Variants in PRKN observed in about 807,000 individuals in gnomAD.
PRKN encodes parkin RBR E3 ubiquitin protein ligase, also known as E3 ubiquitin-protein ligase parkin.
In PRKN, 56 loss-of-function variants were observed where a neutral mutation model predicts 59.5. The observed-to-expected ratio is 0.94, with a 90% CI of 0.76 to 1.18. PRKN has a LOEUF of 1.18. Ranked by LOEUF, PRKN falls within the 50% of genes most tolerant of loss-of-function variation. PRKN has a pLI of 0.00. For synonymous variants in PRKN, 250 were observed against 222.1 expected, an observed-to-expected ratio of 1.13 and a Z score of -1.12; for missense variants, 657 against 596.4, an observed-to-expected ratio of 1.10 and a Z score of -1.06.
In PRKN at chr6:162,466,564, AT is replaced by A. The variant is rs200149146; in HGVS notation, c.8-23092del. On this transcript the variant is annotated intron_variant, in intron 1 of 11. Transcript: ENST00000366898. ...TAGGCATGTGCCACTACACAGGGCAATTTTTTTTATTCTTGTTTTTTTTTTA... is the reference window on the plus strand; with the variant it reads ...TAGGCATGTGCCACTACACAGGGCAATTTTTTTATTCTTGTTTTTTTTTTA... Among the ~76,000 whole-genome samples the A allele has an allele frequency of 5.7e-3, 857 of 151,664 alleles. 9 individuals carry two copies. The highest frequency in any genetic ancestry group is 0.016 in the South Asian group (75 of 4,778).
At chr6:161,424,444 A>G (rs1788245012) in intron 9 of PRKN, among the ~76,000 whole-genome samples, 1 of 152,020 alleles carries the variant, frequency 6.6e-6, no homozygotes, top group South Asian at 2.1e-4. Flanking sequence ...AGGGGCAAAG[A>G]GGAAGGCTTT....
In PRKN at chr6:161,415,219, C is replaced by G. The variant is rs530376521; in HGVS notation, c.1084-28342G>C. Among the ~76,000 whole-genome samples the G allele has an allele frequency of 1.6e-4, 25 of 152,186 alleles. No individual in the cohort carries two copies. In the South Asian group the frequency reaches 5.0e-3, roughly 30 times the overall value. On this transcript the variant is annotated intron_variant, in intron 9 of 11. Coordinates refer to ENST00000366898, the MANE Select transcript of PRKN (RefSeq NM_004562.3). Reference sequence around the variant, plus strand: ...AGACCCAGTAACAACTTACCGTGTCCGCGAGGAACCATTCATGCAGAGAGG... The same window carrying G: ...AGACCCAGTAACAACTTACCGTGTCGGCGAGGAACCATTCATGCAGAGAGG...
In PRKN at chr6:161,576,969, G is replaced by A. The variant is rs974557310; in HGVS notation, c.872-7553C>T. On this transcript the variant is annotated intron_variant, in intron 7 of 11. Transcript: ENST00000366898. The surrounding 1 kb of genome is among the most constrained non-coding windows in gnomAD (Gnocchi z 4.6). ...AATCTATTAAACAATGTCGATGCAC[G>A]CAAATATACTAAGAATATAAAATAA... Among the ~76,000 whole-genome samples the A allele has an allele frequency of 6.6e-6, 1 of 152,136 alleles. No homozygotes were observed. The highest frequency in any genetic ancestry group is 2.4e-5 in the African/African-American group (1 of 41,434).
chr6:162,645,588 G>A (rs2849547), intron 1 of PRKN, among the ~76,000 whole-genome samples: 43,864 of 151,874 alleles, frequency 0.29, 6,944 homozygotes, highest in Non-Finnish European at 0.36. Context: ...TAGCTGTATG[G>A]GCCACTACAT....
At chr6:161,737,440 A>G (rs1788010408) in intron 7 of PRKN, among the ~76,000 whole-genome samples, 2 of 152,222 alleles carry the variant, frequency 1.3e-5, no homozygotes, top group Admixed American at 6.5e-5. Flanking sequence ...GATATATAAG[A>G]CTTTAAAGCA....
intron 1 of PRKN, among the ~76,000 whole-genome samples, chr6:162,627,324 G>A (rs1243222903): frequency 6.6e-6 from 1 of 152,152 alleles, no homozygotes; most frequent in African/African-American, 2.4e-5. Context: ...CAATGACCTG[G>A]AAGATGTTTT....
At chr6:162,677,064 A>C (rs1344252285) in intron 1 of PRKN, among the ~76,000 whole-genome samples, 12 of 32,202 alleles carry the variant, frequency 3.7e-4, no homozygotes, top group Non-Finnish European at 5.7e-4. Flanking sequence ...CATCTCAATC[A>C]AAAAAAAAAA....
chr6:162,646,419 C>A (rs949513934), intron 1 of PRKN, among the ~76,000 whole-genome samples: 7 of 151,960 alleles, frequency 4.6e-5, no homozygotes, highest in Non-Finnish European at 8.8e-5. Flanking sequence ...ACTACAGATA[C>A]ATGTCACCAT....
Position 161,355,074 on chromosome 6 carries a change from A to G in PRKN, c.1286-4863T>C, listed in dbSNP as rs1784696029. The stretch of plus-strand genomic sequence containing the variant: ...CCAAACCTGCCATTCAGGGACCTCA[A>G]TTCTGCATCCTACCTACTGCTTCAG... On this transcript the variant is annotated intron_variant, in intron 11 of 11. Coordinates refer to ENST00000366898, the MANE Select transcript of PRKN (RefSeq NM_004562.3). The surrounding 1 kb of genome is among the most constrained non-coding windows in gnomAD (Gnocchi z 6.8). Among the ~76,000 whole-genome samples the G allele has an allele frequency of 6.6e-6, 1 of 152,142 alleles. No individual in the cohort carries two copies. Among genetic ancestry groups the G allele is most frequent in the Admixed American group, 6.5e-5 (1 of 15,280 alleles).
At chr6:162,336,493 C>T (rs549535517) in intron 2 of PRKN, among the ~76,000 whole-genome samples, 4 of 152,228 alleles carry the variant, frequency 2.6e-5, no homozygotes, top group African/African-American at 9.6e-5. Context: ...GAGATTCACA[C>T]CATAATGCTA....
At chr6:162,200,418 A>T (rs1339779481) in intron 4 of PRKN, among the ~76,000 whole-genome samples, 1 of 152,184 alleles carries the variant, frequency 6.6e-6, no homozygotes, top group Non-Finnish European at 1.5e-5. Context: ...TTAAAGCAGG[A>T]AAGGAGCTGT....
chr6:162,605,203 GA>G (rs1439138904), intron 1 of PRKN, among the ~76,000 whole-genome samples: 4 of 151,918 alleles, frequency 2.6e-5, no homozygotes, highest in Non-Finnish European at 5.9e-5. Context: ...CTAAAATATA[GA>G]CTAAATGGAA....
chr6:162,250,470 G>T (rs2128095678), intron 3 of PRKN, among the ~76,000 whole-genome samples: 1 of 152,248 alleles, frequency 6.6e-6, no homozygotes, highest in East Asian at 1.9e-4. Flanking sequence ...ATCCTTTGAT[G>T]AGTACACAGA....
At chr6:162,057,932 T>C (rs1337352870) in intron 4 of PRKN, among the ~76,000 whole-genome samples, 1 of 152,218 alleles carries the variant, frequency 6.6e-6, no homozygotes, top group Non-Finnish European at 1.5e-5. Flanking sequence ...CAGAGGATTT[T>C]AATTATGATT....
chr6:161,757,933 G>GTGTGTGTATATATATATATATA (rs1554301354), intron 7 of PRKN, among the ~76,000 whole-genome samples: 13 of 101,434 alleles, frequency 1.3e-4, no homozygotes, highest in African/African-American at 4.2e-4. Context: ...CTCTCTCTCT[G>GTGTGTGTATATATATATATATA]TATATATATG....
At chr6:162,197,903 T>C (rs555163326) in intron 4 of PRKN, among the ~76,000 whole-genome samples, 3 of 152,262 alleles carry the variant, frequency 2.0e-5, no homozygotes, top group Admixed American at 6.5e-5. Context: ...ACAAGGCACT[T>C]TGTGAGGTGT....
At chr6:161,618,277 G>T (rs769353474) in intron 7 of PRKN, among the ~76,000 whole-genome samples, 23 of 152,126 alleles carry the variant, frequency 1.5e-4, no homozygotes, top group Non-Finnish European at 2.9e-4. Flanking sequence ...GAGTTATTTG[G>T]TTTGATAATC....
intron 4 of PRKN, among the ~76,000 whole-genome samples, chr6:162,180,108 T>C (rs1195566868): frequency 2.0e-5 from 3 of 151,912 alleles, no homozygotes; most frequent in Non-Finnish European, 4.4e-5. Flanking sequence ...TAAAGGCATA[T>C]TTGAGGTGAT....
At chr6:162,491,484 G>T (rs751463777) in intron 1 of PRKN, among the ~76,000 whole-genome samples, 1 of 152,176 alleles carries the variant, frequency 6.6e-6, no homozygotes. Context: ...CCACCTTCAT[G>T]CTCCAGCCAC....
Sources: gnomAD v4.1 joint callset for allele counts (sites outside exome capture counted in the v4.1 genomes callset) on GRCh38, gnomAD v4.1.1 for gene constraint, Gnocchi (gnomAD v3.1) non-coding constraint, MANE v1.5 for transcripts, NCBI Gene and HGNC (gene_info 2026-07-23, HGNC 2026-07-21) for gene names.